The following CHM variants were observed in gnomAD, a reference collection of about 807,000 sequenced individuals.
CHM encodes the protein CHM Rab escort protein.
A neutral mutation model predicts 49.0 loss-of-function variants in CHM; 10 were observed. The ratio of observed to expected loss-of-function variants is 0.20; its 90% CI spans 0.13 to 0.35. CHM has a LOEUF of 0.35. Among genes scored for constraint, CHM ranks in the 10% least tolerant of loss-of-function variants. The probability of loss-of-function intolerance (pLI) is 1.00; values close to 1 mark genes in which losing one functional copy is unlikely to be tolerated. For synonymous variants in CHM, 184 were observed against 167.5 expected (o/e 1.10, Z -0.76); for missense variants, 455 against 478.4 (o/e 0.95, Z 0.46).
At chrX:85,930,060 C>T (rs1476373211) in intron 8 of CHM, among the ~76,000 whole-genome samples, 1 of 111,621 alleles carries the variant, frequency 9.0e-6, no homozygotes, top group East Asian at 2.8e-4. Flanking sequence ...CGAGATCATG[C>T]CATTGCACTC....
At chrX:85,880,653 A>G (rs1474905074) in intron 12 of CHM, among the ~76,000 whole-genome samples, 1 of 111,635 alleles carries the variant, frequency 9.0e-6, no homozygotes, top group Non-Finnish European at 1.9e-5. Flanking sequence ...GTATATCATT[A>G]TATTTCTTAG....
intron 2 of CHM, among the ~76,000 whole-genome samples, chrX:85,999,270 T>C (rs1603274700): frequency 8.9e-6 from 1 of 111,779 alleles, no homozygotes; most frequent in South Asian, 3.7e-4. Context: ...GGTTATTATA[T>C]AAGATTTAAA....
At chrX:86,022,222 A>G (rs1933636923) in intron 2 of CHM, among the ~76,000 whole-genome samples, 1 of 112,165 alleles carries the variant, frequency 8.9e-6, no homozygotes, top group African/African-American at 3.2e-5. Flanking sequence ...TTAGAAAAGC[A>G]AATAAAGGCA....
chrX:86,011,454 A>T (rs889517067), intron 2 of CHM, among the ~76,000 whole-genome samples: 6 of 111,300 alleles, frequency 5.4e-5, no homozygotes, highest in African/African-American at 1.6e-4. Context: ...ATGACTGTAG[A>T]AGGAGGGGAA....
chrX:86,027,011 A>T (rs1483987578), intron 2 of CHM: 3 of 116,144 alleles, frequency 2.6e-5, no homozygotes, highest in African/African-American at 9.7e-5. Context: ...GAAAAACATA[A>T]TTGTAGATAT....
intron 12 of CHM, 148 bp downstream of exon 12, chrX:85,894,040 C>T (rs1055725182): frequency 2.9e-5 from 13 of 454,779 alleles, no homozygotes; most frequent in African/African-American, 2.7e-4. Context: ...AAATGACTTA[C>T]TCTATAACCA....
intron 8 of CHM, among the ~76,000 whole-genome samples, chrX:85,926,087 TA>T (rs1419357327): frequency 2.0e-4 from 22 of 110,807 alleles, no homozygotes; most frequent in Non-Finnish European, 9.5e-5. Context: ...GGAAGTGTGT[TA>T]CGATGCTGAC....
At chrX:85,940,954 A>T (rs943168878) in intron 8 of CHM, among the ~76,000 whole-genome samples, 1 of 111,399 alleles carries the variant, frequency 9.0e-6, no homozygotes, top group Non-Finnish European at 1.9e-5. Flanking sequence ...CCATTTTCTA[A>T]TTCTCTAATT....
chrX:85,957,837 A>G lies in CHM; in HGVS notation c.940+18T>C, dbSNP rs199742258. The G allele has an allele frequency of 4.7e-4, 557 of 1,196,246 alleles. 1 individual carries two copies. The highest frequency in any genetic ancestry group is 6.1e-4 in the Non-Finnish European group (541 of 886,495). On this transcript the variant is annotated intron_variant, in intron 7 of 14. Coordinates refer to ENST00000357749, the MANE Select transcript of CHM (RefSeq NM_000390.4). ...AAATGTCAAATAATTGGAGAGCACT[A>G]CTTAATGAAAAAAATACCTTTATAT...
intron 5 of CHM, among the ~76,000 whole-genome samples, chrX:85,961,701 T>C (rs1231967751): frequency 9.0e-6 from 1 of 111,261 alleles, no homozygotes; most frequent in Non-Finnish European, 1.9e-5. Flanking sequence ...AATGAGTACA[T>C]TAAATGTTTA....
intron 7 of CHM, 136 bp downstream of exon 7, chrX:85,957,719 A>G: frequency 1.5e-6 from 1 of 683,167 alleles, no homozygotes; most frequent in Non-Finnish European, 2.1e-6. Flanking sequence ...AATGTTACTA[A>G]TGGCTAACCT....
chrX:85,926,363 C>T (rs989787060), intron 8 of CHM, among the ~76,000 whole-genome samples: 19 of 111,245 alleles, frequency 1.7e-4, no homozygotes, highest in Non-Finnish European at 2.8e-4. Flanking sequence ...TTCACTGGCT[C>T]CCCCTTGTTC....
chrX:85,903,005 T>C (rs1926376561), intron 9 of CHM, among the ~76,000 whole-genome samples: 1 of 111,773 alleles, frequency 8.9e-6, no homozygotes, highest in Non-Finnish European at 1.9e-5. Context: ...CCCTTCACTG[T>C]ATATAAATTT....
At chrX:85,939,090 G>A (rs1037794119) in intron 8 of CHM, among the ~76,000 whole-genome samples, 6 of 112,026 alleles carry the variant, frequency 5.4e-5, no homozygotes, top group African/African-American at 1.9e-4. Context: ...CGCTGTACAG[G>A]TTTGTAGCCA....
intron 2 of CHM, among the ~76,000 whole-genome samples, chrX:86,025,890 G>C (rs1266170041): frequency 2.7e-5 from 3 of 110,483 alleles, no homozygotes; most frequent in African/African-American, 9.8e-5. Flanking sequence ...TGAGAATTAA[G>C]TTACATAACA....
In CHM at chrX:85,868,354, T is replaced by G. The variant is rs993706637; in HGVS notation, c.1771-3533A>C. 4.9e-4 allele frequency among the ~76,000 whole-genome samples: 54 copies of G among 110,994 alleles called. 1 individual carries two copies. The highest frequency in any genetic ancestry group is 1.7e-3 in the African/African-American group (53 of 30,532). On this transcript the variant is annotated intron_variant, in intron 14 of 14. Coordinates refer to ENST00000357749, the MANE Select transcript of CHM (RefSeq NM_000390.4). Reference sequence around the variant, plus strand: ...AACTGCATTTTTTATTATGGCTATTTGGAAATTAAACATTACAGATGCCTG... The same window carrying G: ...AACTGCATTTTTTATTATGGCTATTGGGAAATTAAACATTACAGATGCCTG...
chrX:85,970,217 T>A, intron 4 of CHM: 1 of 654,704 alleles, frequency 1.5e-6, no homozygotes, highest in Non-Finnish European at 1.8e-6. Flanking sequence ...ACAATTATTA[T>A]GTATCAATTT....
At chrX:85,911,129 GTATATATA>G (rs763538907) in intron 9 of CHM, 124 bp downstream of exon 9, 5 of 6,899 alleles carry the variant, frequency 7.2e-4, no homozygotes, top group African/African-American at 2.4e-3. Flanking sequence ...GTGTGTATAT[GTATATATA>G]TATATATATA....
At chrX:85,919,300 T>C (rs1305625074) in intron 8 of CHM, among the ~76,000 whole-genome samples, 1 of 111,895 alleles carries the variant, frequency 8.9e-6, no homozygotes, top group Non-Finnish European at 1.9e-5. Context: ...TATTACATTA[T>C]CAAAAGCCTA....
Sources: allele counts gnomAD v4.1 joint callset (sites outside exome capture counted in the v4.1 genomes callset), GRCh38; gene constraint gnomAD v4.1.1; transcripts MANE v1.5; gene names NCBI Gene and HGNC (gene_info 2026-07-23, HGNC 2026-07-21).